DOCK2: variants seen among roughly 807,000 people sequenced by gnomAD.
DOCK2 encodes the protein dedicator of cytokinesis 2, also known as dedicator of cytokinesis protein 2.
In DOCK2, 87 loss-of-function variants were observed where a neutral mutation model predicts 248.9. That is an observed-to-expected ratio of 0.35 (90% CI 0.29 to 0.42). DOCK2 has a LOEUF of 0.42. Among genes scored for constraint, DOCK2 ranks in the 10% least tolerant of loss-of-function variants. DOCK2 has a pLI of 1.00. For synonymous variants in DOCK2, 805 were observed against 821.6 expected (o/e 0.98, Z 0.35); for missense variants, 1,747 against 2,300.2 (o/e 0.76, Z 4.92).
intron 44 of DOCK2, among the ~76,000 whole-genome samples, chr5:170,064,571 A>C (rs1757430792): frequency 1.3e-5 from 2 of 152,080 alleles, no homozygotes; most frequent in Non-Finnish European, 2.9e-5. Context: ...AGGAGCAAAA[A>C]GAAAAGAATG....
chr5:169,842,798 T>C (rs1314374392), intron 27 of DOCK2, among the ~76,000 whole-genome samples: 8 of 152,176 alleles, frequency 5.3e-5, no homozygotes, highest in Admixed American at 2.6e-4. Context: ...TTCTATCTGG[T>C]AGAGTGAGGC....
intron 9 of DOCK2, among the ~76,000 whole-genome samples, chr5:169,691,202 T>C (rs988726833): frequency 6.6e-6 from 1 of 152,130 alleles, no homozygotes; most frequent in African/African-American, 2.4e-5. Context: ...AACCAGGTCT[T>C]AGGAGAACTC....
rs185585186 is a variant in DOCK2 at position 170,051,551 on chromosome 5, G to C, written c.4213+1154G>C. Reference sequence around the variant, plus strand: ...CATGGCCTTTCTATTGTCTAATGTGGCCTTCTCTGAACTCTTCATGACCCT... The same window carrying C: ...CATGGCCTTTCTATTGTCTAATGTGCCCTTCTCTGAACTCTTCATGACCCT... On this transcript the variant is annotated intron_variant, in intron 41 of 51. Transcript: ENST00000520908. 1.4e-4 allele frequency among the ~76,000 whole-genome samples: 22 copies of C among 152,260 alleles called. 1 individual carries two copies. The highest frequency in any genetic ancestry group is 5.9e-4 in the Admixed American group (9 of 15,296).
At chr5:169,687,701 A>G (rs886090196) in intron 8 of DOCK2, among the ~76,000 whole-genome samples, 3 of 152,146 alleles carry the variant, frequency 2.0e-5, no homozygotes, top group Non-Finnish European at 4.4e-5. Context: ...AGACCTCTCT[A>G]TCTTCCTGGA....
intron 28 of DOCK2, among the ~76,000 whole-genome samples, chr5:169,985,348 CGTGTGT>C (rs5873200): frequency 0.22 from 30,307 of 136,712 alleles, 2,830 homozygotes; most frequent in Non-Finnish European, 0.25. Context: ...CTAATCTGCT[CGTGTGT>C]GTGTGTGTGT....
Position 170,052,051 on chromosome 5 carries a change from A to C in DOCK2, c.4213+1654A>C, listed in dbSNP as rs546718772. On this transcript the variant is annotated intron_variant, in intron 41 of 51. Transcript: ENST00000520908. ...AGGGCCAACTGCTGAGCCAGGGAGC[A>C]CATTAACTCAGCCTAACTCCCAGCA... 2.0e-3 allele frequency among the ~76,000 whole-genome samples: 311 copies of C among 152,340 alleles called. 10 individuals are homozygous for C. The South Asian group carries it at 0.038, about 18-fold the overall frequency.
At chr5:169,893,944 G>A (rs1243506241) in intron 27 of DOCK2, among the ~76,000 whole-genome samples, 6 of 152,118 alleles carry the variant, frequency 3.9e-5, no homozygotes, top group African/African-American at 1.2e-4. Context: ...ATCTCTTCCT[G>A]TAGATTGTCT....
chr5:169,811,112 G>A (rs900682766), intron 26 of DOCK2, among the ~76,000 whole-genome samples: 18 of 152,094 alleles, frequency 1.2e-4, no homozygotes, highest in African/African-American at 4.3e-4. Flanking sequence ...GGAGGGGAGG[G>A]GACTGCGGCA....
At chr5:170,079,419 T>A (rs1757948849) in intron 49 of DOCK2, 1 of 369,504 alleles carries the variant, frequency 2.7e-6, no homozygotes, top group Non-Finnish European at 5.1e-6. Flanking sequence ...CACACAGGGC[T>A]TTTCCAGGCT....
intron 2 of DOCK2, among the ~76,000 whole-genome samples, chr5:169,664,682 A>G (rs1025956076): frequency 1.3e-5 from 2 of 152,154 alleles, no homozygotes; most frequent in African/African-American, 4.8e-5. Context: ...CACATTTTTA[A>G]ACCATCAGAT....
chr5:169,853,835 TTTTTTTTTTTTTTTG>T (rs1770746702), intron 27 of DOCK2, among the ~76,000 whole-genome samples: 14 of 85,268 alleles, frequency 1.6e-4, no homozygotes, highest in East Asian at 1.1e-3. Flanking sequence ...TTTTTTTTTT[TTTTTTTTTTTTTTTG>T]TGGTAGACAG....
chr5:169,984,413 G>GT (rs1335670653), intron 28 of DOCK2, among the ~76,000 whole-genome samples: 1 of 152,138 alleles, frequency 6.6e-6, no homozygotes, highest in African/African-American at 2.4e-5. Context: ...ACCAGGCTCT[G>GT]TACTAAGCAT....
At chr5:169,946,714 C>T (rs1561843960) in intron 27 of DOCK2, among the ~76,000 whole-genome samples, 2 of 152,154 alleles carry the variant, frequency 1.3e-5, no homozygotes, top group Non-Finnish European at 2.9e-5. Context: ...AATAAACAAA[C>T]CTAATAGAAA....
chr5:169,742,909 G>T (rs1186366627), intron 22 of DOCK2, among the ~76,000 whole-genome samples: 1 of 152,232 alleles, frequency 6.6e-6, no homozygotes, highest in Admixed American at 6.5e-5. Flanking sequence ...GTGCCTTGCA[G>T]GTTGTTCCAG....
chr5:169,881,631 G>A (rs527861936), intron 27 of DOCK2, among the ~76,000 whole-genome samples: 4 of 152,182 alleles, frequency 2.6e-5, no homozygotes, highest in Admixed American at 6.5e-5. Context: ...GGCTTTATAC[G>A]TGTTAAAGAT....
intron 29 of DOCK2, among the ~76,000 whole-genome samples, chr5:169,988,659 T>A (rs1778131415): frequency 6.6e-6 from 1 of 152,150 alleles, no homozygotes; most frequent in South Asian, 2.1e-4. Context: ...ATTACAGGCA[T>A]GCACCACTAT....
chr5:169,931,076 T>C (rs1581434935), intron 27 of DOCK2, among the ~76,000 whole-genome samples: 1 of 152,214 alleles, frequency 6.6e-6, no homozygotes, highest in South Asian at 2.1e-4. Context: ...AAAGATAAAG[T>C]GGCTTTGCTT....
At chr5:169,868,608 A>C (rs1344955058) in intron 27 of DOCK2, among the ~76,000 whole-genome samples, 1 of 152,130 alleles carries the variant, frequency 6.6e-6, no homozygotes, top group African/African-American at 2.4e-5. Context: ...AAAGTAAAAA[A>C]TTAGCCATGT....
At chr5:170,053,167 C>T (rs952611363) in intron 41 of DOCK2, among the ~76,000 whole-genome samples, 1 of 152,242 alleles carries the variant, frequency 6.6e-6, no homozygotes, top group Admixed American at 6.5e-5. Context: ...GGTACAACTT[C>T]AGGGGACTTG....
Sources: gnomAD v4.1 joint callset for allele counts (sites outside exome capture counted in the v4.1 genomes callset) on GRCh38, gnomAD v4.1.1 for gene constraint, MANE v1.5 for transcripts, NCBI Gene and HGNC (gene_info 2026-07-23, HGNC 2026-07-21) for gene names.